The following MAP7 variants were observed in gnomAD, a reference collection of about 807,000 sequenced individuals.
MAP7 encodes ensconsin.
Under a neutral mutation model 94.8 loss-of-function variants are expected in MAP7, and 52 were observed. The ratio of observed to expected loss-of-function variants is 0.55; its 90% confidence interval spans 0.44 to 0.69. The LOEUF (loss-of-function observed/expected upper bound fraction) is 0.69. Ranked by LOEUF, MAP7 falls within the 30% of genes least tolerant of loss-of-function variation. The probability of loss-of-function intolerance (pLI) is 0.00; values close to 1 mark genes in which losing one functional copy is unlikely to be tolerated. For synonymous variants in MAP7, 350 were observed against 357.0 expected (o/e 0.98, Z 0.22); for missense variants, 940 against 964.6 (o/e 0.97, Z 0.34).
chr6:136,461,582 T>C (rs1286232471), intron 1 of MAP7, among the ~76,000 whole-genome samples: 1 of 152,178 alleles, frequency 6.6e-6, no homozygotes, highest in Admixed American at 6.6e-5. Flanking sequence ...ATGAGTTTAT[T>C]GTCTGTGATA....
chr6:136,480,318 T>C (rs1812328433), intron 1 of MAP7, among the ~76,000 whole-genome samples: 1 of 152,178 alleles, frequency 6.6e-6, no homozygotes, highest in Non-Finnish European at 1.5e-5. Context: ...TAGATCTCTA[T>C]CTCTTGCCAT....
At chr6:136,464,237 CTTTCT>C (rs1806194900) in intron 1 of MAP7, among the ~76,000 whole-genome samples, 1 of 152,166 alleles carries the variant, frequency 6.6e-6, no homozygotes. Flanking sequence ...TGCATGCTGA[CTTTCT>C]TTTCTTCTTC....
In MAP7 at chr6:136,366,213, G is replaced by A. The variant is rs1005134973; in HGVS notation, c.989+114C>T. 4 of 1,056,962 alleles carry A rather than the reference G, an allele frequency of 3.8e-6. No individual in the cohort carries two copies. In the African/African-American group the frequency reaches 4.8e-5, roughly 13 times the overall value. 65.5% of individuals were successfully genotyped at this position (1,056,962 alleles called of 1,614,324 possible). On this transcript the variant is annotated intron_variant, in intron 9 of 17. Transcript: ENST00000354570. ...TTTTTTCTTTCCTTTTGGGAAGAAT[G>A]CTATTCCCTAAGTCAAAGCCAAACA...
intron 15 of MAP7, among the ~76,000 whole-genome samples, chr6:136,359,066 T>C (rs1791785753): frequency 6.6e-6 from 1 of 152,012 alleles, no homozygotes; most frequent in Non-Finnish European, 1.5e-5. Flanking sequence ...ATGAAAGATG[T>C]ACCTGATACA....
At chr6:136,402,722 C>A (rs892059687) in intron 3 of MAP7, among the ~76,000 whole-genome samples, 7 of 151,850 alleles carry the variant, frequency 4.6e-5, no homozygotes, top group African/African-American at 1.5e-4. Context: ...CTGGCTAACA[C>A]GGTGAAACCC....
At chr6:136,484,163 C>A (rs1813857543) in intron 1 of MAP7, among the ~76,000 whole-genome samples, 1 of 152,128 alleles carries the variant, frequency 6.6e-6, no homozygotes, top group African/African-American at 2.4e-5. Context: ...CATTCCCCTC[C>A]TAGGGCCAGG....
chr6:136,405,400 G>GA (rs1785291482), intron 3 of MAP7, among the ~76,000 whole-genome samples: 1 of 152,220 alleles, frequency 6.6e-6, no homozygotes, highest in South Asian at 2.1e-4. Context: ...TGAGAAGGTG[G>GA]CATTTAAATG....
At chr6:136,383,940 T>C (rs758919482) in intron 5 of MAP7, among the ~76,000 whole-genome samples, 159 bp from the exon 6 acceptor site, 2 of 152,166 alleles carry the variant, frequency 1.3e-5, no homozygotes, top group Non-Finnish European at 2.9e-5. Flanking sequence ...TAAAGGTAAC[T>C]TAAAGGCTTA....
At chr6:136,414,239 C>A (rs1788524534) in intron 2 of MAP7, among the ~76,000 whole-genome samples, 1 of 28,116 alleles carries the variant, frequency 3.6e-5, no homozygotes, top group Non-Finnish European at 9.1e-5. Flanking sequence ...GGCGACAGAG[C>A]GAGACTCCGT....
chr6:136,387,507 T>C (rs1779485621), intron 5 of MAP7, among the ~76,000 whole-genome samples: 2 of 152,194 alleles, frequency 1.3e-5, no homozygotes, highest in Non-Finnish European at 2.9e-5. Context: ...GCTAGGGTAT[T>C]AGGCATGCGT....
rs375799988 is a variant in MAP7, at chr6:136,377,865, C to G, written c.641G>C (p.Arg214Pro). The G allele has an allele frequency of 6.2e-7, 1 of 1,609,948 alleles. No homozygotes were observed. The highest frequency in any genetic ancestry group is 8.5e-7 in the Non-Finnish European group (1 of 1,176,556). Residue 214 changes from arginine to proline, a missense_variant, in exon 7 of 18, where the codon CGC becomes CCC. Transcript: ENST00000354570. ...CTCCCATGGGCTGAGCTGCAGGCGGCGAGCTAAACGTCACCACATAAGCAA... is the reference window on the plus strand; with the variant it reads ...CTCCCATGGGCTGAGCTGCAGGCGGGGAGCTAAACGTCACCACATAAGCAA... Reference protein sequence around the residue: ...ATLLNSPDRARRLQLSPWESS... With the variant: ...ATLLNSPDRAPRLQLSPWESS...
chr6:136,405,804 C>A (rs1582815753), intron 3 of MAP7, among the ~76,000 whole-genome samples: 1 of 152,162 alleles, frequency 6.6e-6, no homozygotes, highest in East Asian at 1.9e-4. Flanking sequence ...GAAGTAGTTA[C>A]TTTCTGGGTA....
intron 1 of MAP7, among the ~76,000 whole-genome samples, chr6:136,424,732 C>G (rs1792619133): frequency 6.6e-6 from 1 of 152,196 alleles, no homozygotes; most frequent in Non-Finnish European, 1.5e-5. Context: ...CTTCTCTCAA[C>G]TGTTCAGAAT....
At chr6:136,453,096 T>G (rs2128887342) in intron 1 of MAP7, among the ~76,000 whole-genome samples, 1 of 152,342 alleles carries the variant, frequency 6.6e-6, no homozygotes, top group East Asian at 1.9e-4. Context: ...GTGAAGTATA[T>G]ATGTTAATAA....
At chr6:136,479,616 C>T (rs895196099) in intron 1 of MAP7, among the ~76,000 whole-genome samples, 6 of 152,148 alleles carry the variant, frequency 3.9e-5, no homozygotes, top group East Asian at 1.9e-4. Flanking sequence ...AGCCTAAAGA[C>T]GTTACCAAAA....
chr6:136,360,981 G>A (rs1466051295), intron 12 of MAP7, 24 bp downstream of exon 12: 2 of 1,556,894 alleles, frequency 1.3e-6, no homozygotes, highest in Non-Finnish European at 1.7e-6. Flanking sequence ...CTGGGGCCGG[G>A]GCCAGGGTGG....
intron 16 of MAP7, among the ~76,000 whole-genome samples, chr6:136,355,714 C>T (rs1473928141): frequency 6.6e-6 from 1 of 152,176 alleles, no homozygotes; most frequent in Admixed American, 6.5e-5. Context: ...GTAGCAAAGA[C>T]TGGCATTAAA....
intron 1 of MAP7, chr6:136,466,668 A>C: frequency 8.1e-7 from 1 of 1,231,892 alleles, no homozygotes; most frequent in Middle Eastern, 1.9e-4. Flanking sequence ...ACTTGTTATA[A>C]GTATTAATTT....
At chr6:136,409,438 C>T (rs189507802) in intron 3 of MAP7, among the ~76,000 whole-genome samples, 3 of 152,190 alleles carry the variant, frequency 2.0e-5, no homozygotes, top group Admixed American at 1.3e-4. Flanking sequence ...CATATATTGG[C>T]TCACCAAAAA....
Sources: gnomAD v4.1 joint callset for allele counts (sites outside exome capture counted in the v4.1 genomes callset) on GRCh38, gnomAD v4.1.1 for gene constraint, MANE v1.5 for transcripts, NCBI Gene and HGNC (gene_info 2026-07-23, HGNC 2026-07-21) for gene names.